The following ABCA12 variants were observed in gnomAD, a reference collection of about 807,000 sequenced individuals.
ABCA12 encodes the protein ATP binding cassette subfamily A member 12, also known as glucosylceramide transporter ABCA12.
A neutral mutation model predicts 293.5 loss-of-function variants in ABCA12; 156 were observed. The ratio of observed to expected loss-of-function variants is 0.53; its 90% CI spans 0.47 to 0.61. ABCA12 has a LOEUF of 0.61. Among genes scored for constraint, ABCA12 ranks in the 20% least tolerant of loss-of-function variants. ABCA12 has a pLI of 0.00. For missense variants in ABCA12, 2,797 were observed against 3,090.2 expected, an observed-to-expected ratio of 0.91 and a Z score of 2.25; for synonymous variants, 1,063 against 1,108.0, an observed-to-expected ratio of 0.96 and a Z score of 0.81.
At chr2:214,961,484 A>C (rs1421661615) in intron 39 of ABCA12, among the ~76,000 whole-genome samples, 1 of 152,166 alleles carries the variant, frequency 6.6e-6, no homozygotes, top group Non-Finnish European at 1.5e-5. Flanking sequence ...CTAATTACAA[A>C]GGAAGCCAGA....
At chr2:215,065,416 A>G (rs1701623290) in intron 2 of ABCA12, among the ~76,000 whole-genome samples, 1 of 151,558 alleles carries the variant, frequency 6.6e-6, no homozygotes, top group Non-Finnish European at 1.5e-5. Context: ...TAAGAGCAAC[A>G]TGGCCATGCA....
chr2:214,979,118 G>T (rs1375856751), intron 31 of ABCA12, 78 bp from the exon 32 acceptor site: 3 of 1,326,700 alleles, frequency 2.3e-6, no homozygotes, highest in Non-Finnish European at 3.3e-6. Flanking sequence ...AGAGGGTGAG[G>T]TGATGAGCTC....
chr2:214,990,597 T>A, intron 24 of ABCA12, 105 bp downstream of exon 24: 3 of 1,217,936 alleles, frequency 2.5e-6, no homozygotes, highest in Non-Finnish European at 3.6e-6. Context: ...TTCACTGAAT[T>A]TCAAATTAAG....
chr2:214,990,611 A>C (rs1418067261), intron 24 of ABCA12, 91 bp downstream of exon 24: 1 of 1,328,126 alleles, frequency 7.5e-7, no homozygotes, highest in Admixed American at 1.8e-5. Context: ...AATTAAGATA[A>C]GTGAACTTTC....
At chr2:214,950,650 G>A (rs186304997) in intron 45 of ABCA12, among the ~76,000 whole-genome samples, 17 of 151,502 alleles carry the variant, frequency 1.1e-4, no homozygotes, top group East Asian at 3.9e-4. Context: ...GACTACAGAC[G>A]TGCGCCCCCA....
intron 2 of ABCA12, chr2:215,085,354 C>T (rs555138444): frequency 6.6e-6 from 1 of 152,204 alleles, no homozygotes; most frequent in South Asian, 2.1e-4. Context: ...GGTGTTAGCC[C>T]AGGCCTGGAC....
chr2:215,059,548 T>G (rs974394210), intron 3 of ABCA12, among the ~76,000 whole-genome samples: 4 of 152,078 alleles, frequency 2.6e-5, no homozygotes, highest in African/African-American at 4.8e-5. Flanking sequence ...AATATGTTAC[T>G]GTGTCTTAGG....
chr2:215,097,235 C>A (rs1277650195), intron 2 of ABCA12, among the ~76,000 whole-genome samples: 1 of 152,144 alleles, frequency 6.6e-6, no homozygotes, highest in Non-Finnish European at 1.5e-5. Flanking sequence ...CCATGCAAAT[C>A]CAAGTATCCT....
At chr2:215,063,810 T>C (rs1164699997) in intron 3 of ABCA12, among the ~76,000 whole-genome samples, 1 of 151,958 alleles carries the variant, frequency 6.6e-6, no homozygotes. Context: ...CTTTGAGGGA[T>C]GTAAAGGAGG....
chr2:215,100,117 T>C (rs1401296270), intron 2 of ABCA12, among the ~76,000 whole-genome samples: 1 of 151,878 alleles, frequency 6.6e-6, no homozygotes, highest in Non-Finnish European at 1.5e-5. Context: ...CAGGCTCAAG[T>C]GATCTTCCCA....
chr2:215,017,960 T>C (rs763540129), intron 14 of ABCA12, 48 bp downstream of exon 14: 2 of 1,612,340 alleles, frequency 1.2e-6, no homozygotes, highest in South Asian at 2.2e-5. Context: ...CTAAATGCTA[T>C]TTAAATTTCT....
intron 5 of ABCA12, 57 bp from the exon 6 acceptor site, chr2:215,049,868 A>G: frequency 6.7e-7 from 1 of 1,490,942 alleles, no homozygotes. Context: ...AGATGTTCAA[A>G]TATTCTATTC....
intron 48 of ABCA12, among the ~76,000 whole-genome samples, chr2:214,946,921 C>A (rs1698599445): frequency 6.6e-6 from 1 of 151,956 alleles, no homozygotes; most frequent in Admixed American, 6.6e-5. Context: ...AGGATGGATC[C>A]ATCACATCCT....
At chr2:215,012,256 G>T in intron 15 of ABCA12, 121 bp from the exon 16 acceptor site, 1 of 873,648 alleles carries the variant, frequency 1.1e-6, no homozygotes, top group Non-Finnish European at 1.8e-6. Context: ...TTATTAAATA[G>T]TTAAATGTAA....
At chr2:215,065,322 A>T (rs1336476365) in intron 2 of ABCA12, among the ~76,000 whole-genome samples, 1 of 149,714 alleles carries the variant, frequency 6.7e-6, no homozygotes, top group Non-Finnish European at 1.5e-5. Context: ...AAAAAAAAAA[A>T]AAAAGAGTGC....
chr2:215,134,652 G>C (rs1006768781), intron 1 of ABCA12, among the ~76,000 whole-genome samples: 1 of 101,560 alleles, frequency 9.8e-6, no homozygotes, highest in African/African-American at 4.4e-5. Context: ...CAAACAGAGA[G>C]AGAGAGAGAG....
intron 28 of ABCA12, among the ~76,000 whole-genome samples, chr2:214,984,492 A>C (rs1699743072): frequency 6.6e-6 from 1 of 152,122 alleles, no homozygotes; most frequent in Non-Finnish European, 1.5e-5. Flanking sequence ...GGCATGTCTC[A>C]AATTTACATC....
intron 8 of ABCA12, among the ~76,000 whole-genome samples, chr2:215,033,620 T>G (rs1246659407): frequency 6.6e-6 from 1 of 152,172 alleles, no homozygotes; most frequent in Non-Finnish European, 1.5e-5. Context: ...TTACTTCTTT[T>G]TTATTTGTAA....
In ABCA12 at chr2:214,959,088, G is replaced by A. The variant is rs367971857; in HGVS notation, c.5885-10C>T. On this transcript the variant is annotated splice_polypyrimidine_tract_variant and intron_variant, in intron 39 of 52. Coordinates refer to ENST00000272895, the MANE Select transcript of ABCA12 (RefSeq NM_173076.3). ...CTATACATGATGATGCCTTAAAGAC[G>A]AAACAGTTCTTCTATTAGTAGGTAT... 6 of 1,612,612 alleles carry A rather than the reference G, an allele frequency of 3.7e-6. No individual in the cohort carries two copies. Among genetic ancestry groups the A allele is most frequent in the East Asian group, 2.2e-5 (1 of 44,874 alleles).
Sources: allele counts gnomAD v4.1 joint callset (sites outside exome capture counted in the v4.1 genomes callset), GRCh38; gene constraint gnomAD v4.1.1; transcripts MANE v1.5; gene names NCBI Gene and HGNC (gene_info 2026-07-23, HGNC 2026-07-21).